The following DENND2B variants were observed in gnomAD, a reference collection of about 807,000 sequenced individuals.
DENND2B encodes DENN domain containing 2B.
In DENND2B, 32 loss-of-function variants were observed where a neutral mutation model predicts 116.0. That is an observed-to-expected ratio of 0.28 (90% confidence interval 0.21 to 0.37). DENND2B has a LOEUF of 0.37. Ranked by LOEUF, DENND2B falls within the 10% of genes least tolerant of loss-of-function variation. The pLI, the probability that DENND2B is intolerant of heterozygous loss-of-function variation, is 1.00. For synonymous variants in DENND2B, 588 were observed against 583.9 expected (o/e 1.01, Z -0.10); for missense variants, 1,276 against 1,477.7 (o/e 0.86, Z 2.24).
At chr11:8,879,512 T>G (rs947286503) in intron 2 of DENND2B, among the ~76,000 whole-genome samples, 1 of 152,186 alleles carries the variant, frequency 6.6e-6, no homozygotes, top group African/African-American at 2.4e-5. Flanking sequence ...GGAGAGACAA[T>G]ATTTTTGAGA....
At chr11:8,890,164 G>C (rs1280538837) in intron 1 of DENND2B, among the ~76,000 whole-genome samples, 1 of 152,194 alleles carries the variant, frequency 6.6e-6, no homozygotes, top group Non-Finnish European at 1.5e-5. Context: ...AACTCCAACA[G>C]ACCTGCAGCT....
chr11:8,712,895 G>A lies in DENND2B; in HGVS notation c.1988-160C>T, dbSNP rs1330966989. Among the ~76,000 whole-genome samples, 1 of 152,216 alleles carries A rather than the reference G, an allele frequency of 6.6e-6. No individual in the cohort carries two copies. Among genetic ancestry groups the A allele is most frequent in the Admixed American group, 6.5e-5 (1 of 15,288 alleles). ...AGTGCAGGAGGACCGGCAGGCACAA[G>A]GTGCTGACCCCTGCACAAAGACTCT... On this transcript the variant is annotated intron_variant, in intron 8 of 19. Transcript: ENST00000313726. The surrounding 1 kb of genome is among the most constrained non-coding windows in gnomAD (Gnocchi z 4.4).
At chr11:8,789,976 G>A (rs1358736194) in intron 1 of DENND2B, among the ~76,000 whole-genome samples, 1 of 152,114 alleles carries the variant, frequency 6.6e-6, no homozygotes, top group Non-Finnish European at 1.5e-5. Flanking sequence ...CAGGACACTG[G>A]TAAATCCAGC....
chr11:8,726,278 A>G, intron 3 of DENND2B, 69 bp from the exon 4 acceptor site: 1 of 1,542,614 alleles, frequency 6.5e-7, no homozygotes, highest in African/African-American at 1.4e-5. Context: ...GGGAATGTCC[A>G]TGGCAACAGC....
At chr11:8,830,231 C>T (rs1349152038) in intron 4 of DENND2B, among the ~76,000 whole-genome samples, 1 of 152,188 alleles carries the variant, frequency 6.6e-6, no homozygotes, top group Non-Finnish European at 1.5e-5. Context: ...TCTGCCACAC[C>T]TACCCCTCCA....
At chr11:8,704,140 T>C (rs1203974839) in intron 13 of DENND2B, among the ~76,000 whole-genome samples, 2 of 152,248 alleles carry the variant, frequency 1.3e-5, no homozygotes, top group Middle Eastern at 3.4e-3. Flanking sequence ...TTCAAGGAGA[T>C]CAAGCCCAGG....
rs763633987 is a variant in DENND2B at position 8,696,575 on chromosome 11, A to G, written c.3144T>C (p.Ser1048=). ...VGHYSLFLTQ[S]EKGERAFQRE... is the part of the protein sequence containing the mutation. ...GCTGAAAGGCCCTCTCTCCCTTCTC[A>G]CTCTGTGTCAGAAAGAGGGAGTAGT... The change falls in exon 18 of 20, where the codon AGT becomes AGC. Residue 1048 remains serine, a synonymous_variant. Coordinates refer to ENST00000313726, the MANE Select transcript of DENND2B (RefSeq NM_213618.2). The G allele has an allele frequency of 2.5e-6, 4 of 1,613,994 alleles. No individual in the cohort carries two copies. In the South Asian group the frequency reaches 4.4e-5, roughly 18 times the overall value.
At chr11:8,889,889 G>A (rs1468134987) in intron 1 of DENND2B, among the ~76,000 whole-genome samples, 1 of 152,220 alleles carries the variant, frequency 6.6e-6, no homozygotes, top group Non-Finnish European at 1.5e-5. Context: ...GCTTTGAAGA[G>A]AGTAGTGGTT....
intron 1 of DENND2B, among the ~76,000 whole-genome samples, chr11:8,760,654 G>A (rs1244811547): frequency 1.3e-5 from 2 of 152,080 alleles, no homozygotes; most frequent in African/African-American, 4.8e-5. Context: ...AGAAATACCA[G>A]GAAGGATTTT....
At chr11:8,859,801 G>A (rs960114769) in intron 2 of DENND2B, among the ~76,000 whole-genome samples, 2 of 152,090 alleles carry the variant, frequency 1.3e-5, no homozygotes, top group South Asian at 4.1e-4. Flanking sequence ...AGACAGGCAT[G>A]CTGACCAAAG....
chr11:8,829,665 C>T (rs944468827), intron 4 of DENND2B, among the ~76,000 whole-genome samples: 3 of 152,052 alleles, frequency 2.0e-5, no homozygotes, highest in South Asian at 2.1e-4. Flanking sequence ...GGACTTCCTG[C>T]GAAGCCCACA....
intron 5 of DENND2B, among the ~76,000 whole-genome samples, chr11:8,716,329 TG>T (rs897719383): frequency 2.6e-5 from 4 of 152,168 alleles, no homozygotes; most frequent in African/African-American, 9.7e-5. Context: ...CCACCAAAGC[TG>T]GGCCAGGCAG....
intron 2 of DENND2B, among the ~76,000 whole-genome samples, chr11:8,863,457 T>A (rs2063475541): frequency 6.6e-6 from 1 of 151,838 alleles, no homozygotes; most frequent in Non-Finnish European, 1.5e-5. Flanking sequence ...ATGGTCTCTA[T>A]CTCCTGACCT....
chr11:8,850,237 T>C (rs2062959446), intron 3 of DENND2B, among the ~76,000 whole-genome samples: 1 of 152,230 alleles, frequency 6.6e-6, no homozygotes, highest in Admixed American at 6.5e-5. Context: ...ATATGTAGTA[T>C]ATATGAGTTG....
At chr11:8,898,268 T>C (rs1426490799) in intron 1 of DENND2B, among the ~76,000 whole-genome samples, 1 of 152,192 alleles carries the variant, frequency 6.6e-6, no homozygotes, top group South Asian at 2.1e-4. Context: ...AGCACACATC[T>C]GTAGTCCCAG....
chr11:8,719,463 G>T (rs2045747330), intron 4 of DENND2B, among the ~76,000 whole-genome samples: 1 of 152,226 alleles, frequency 6.6e-6, no homozygotes, highest in Admixed American at 6.5e-5. Context: ...CCAACTCCAA[G>T]CAGAGTCCCC....
intron 19 of DENND2B, 39 bp from the exon 20 acceptor site, chr11:8,694,169 AT>A: frequency 6.2e-7 from 1 of 1,613,134 alleles, no homozygotes; most frequent in South Asian, 1.1e-5. Context: ...GTTCAGTGTT[AT>A]CCCTTCCAAC....
Position 8,702,548 on chromosome 11 carries a change from C to G in DENND2B, c.2720+24G>C, listed in dbSNP as rs1440943325. On this transcript the variant is annotated intron_variant, in intron 14 of 19. Coordinates refer to ENST00000313726, the MANE Select transcript of DENND2B (RefSeq NM_213618.2). The surrounding 1 kb of genome is among the most constrained non-coding windows in gnomAD (Gnocchi z 4.6). ...GGTGTGCCTTCCCCCCTCCCTTCTG[C>G]TTTCTTGCCCGGCTGGGCCCTACCT... is the stretch of plus-strand genomic sequence containing the variant. The G allele has an allele frequency of 1.9e-6, 3 of 1,608,496 alleles. No individual in the cohort carries two copies. In the South Asian group the frequency reaches 3.3e-5, roughly 18 times the overall value.
At chr11:8,861,336 GA>G (rs1435162539) in intron 2 of DENND2B, among the ~76,000 whole-genome samples, 1 of 151,672 alleles carries the variant, frequency 6.6e-6, no homozygotes, top group Non-Finnish European at 1.5e-5. Context: ...AATTCAGCAA[GA>G]AAAAAACACT....
Sources: allele counts gnomAD v4.1 joint callset (sites outside exome capture counted in the v4.1 genomes callset), GRCh38; gene constraint gnomAD v4.1.1; non-coding constraint Gnocchi (gnomAD v3.1); transcripts MANE v1.5; gene names NCBI Gene and HGNC (gene_info 2026-07-23, HGNC 2026-07-21).